ABHD17A: variants seen among roughly 807,000 people sequenced by gnomAD.
The protein encoded by ABHD17A is abhydrolase domain containing 17A, depalmitoylase, also known as alpha/beta hydrolase domain-containing protein 17A.
In ABHD17A, 10 loss-of-function variants were observed where a neutral mutation model predicts 26.8. The ratio of observed to expected loss-of-function variants is 0.37; its 90% CI spans 0.23 to 0.63. ABHD17A has a LOEUF of 0.63. Ranked by LOEUF, ABHD17A falls within the 30% of genes least tolerant of loss-of-function variation. The probability of loss-of-function intolerance (pLI) is 0.61; values close to 1 mark genes in which losing one functional copy is unlikely to be tolerated. For missense variants in ABHD17A, 292 were observed against 457.3 expected (o/e 0.64, Z 3.30); for synonymous variants, 167 against 210.9 (o/e 0.79, Z 1.80).
Position 1,881,769 on chromosome 19 carries a change from G to A in ABHD17A, c.-203C>T, listed in dbSNP as rs1274531214. The A allele has an allele frequency of 2.3e-5, 14 of 618,382 alleles. No individual in the cohort carries two copies. Among genetic ancestry groups the A allele is most frequent in the South Asian group, 1.3e-4 (5 of 38,302 alleles). The allele number at this position is 618,382 out of a possible 1,614,324, so 38.3% of individuals were successfully genotyped here. A position where few individuals can be genotyped will look rare whatever the true frequency, so the allele number is the denominator to read the frequency against. On this transcript the variant is annotated 5_prime_UTR_variant, in exon 2 of 5. Coordinates refer to ENST00000292577, the MANE Select transcript of ABHD17A (RefSeq NM_001130111.2). The stretch of plus-strand genomic sequence containing the variant: ...TCCAAGCCGAGCCCCAGGGAGCCTC[G>A]CAACCACAGGTCTCCATGTCGTGCC...
rs2012471615 is a variant in ABHD17A, at chr19:1,879,868, C to T, written c.527+53G>A. 1.3e-6 allele frequency: 2 copies of T among 1,523,218 alleles called. No homozygotes were observed. Among genetic ancestry groups the T allele is most frequent in the African/African-American group, 1.4e-5 (1 of 72,628 alleles). 94.4% of individuals were successfully genotyped at this position (1,523,218 alleles called of 1,614,324 possible). A position where few individuals can be genotyped will look rare whatever the true frequency, so the allele number is the denominator to read the frequency against. On this transcript the variant is annotated intron_variant, in intron 3 of 4. Transcript: ENST00000292577. This position sits in a 1 kb window ranked among gnomAD's most constrained non-coding sequence, Gnocchi z 7.6. ...GGAAGCCCGCCCCCCGGCCCCCCGC[C>T]TGGTCCCCTCTTGGGTGTGCCCAGG...
rs2012490822 is a variant in ABHD17A at position 1,880,424 on chromosome 19, C to G, written c.333-309G>C. ...AGCGGGACACTGGGACCATCGGTCG[C>G]ATCCTCTCTCAGGGCAGACTCGCAG... On this transcript the variant is annotated intron_variant, in intron 2 of 4. Coordinates refer to ENST00000292577, the MANE Select transcript of ABHD17A (RefSeq NM_001130111.2). This position sits in a 1 kb window ranked among gnomAD's most constrained non-coding sequence, Gnocchi z 4.1. 6.6e-6 allele frequency among the ~76,000 whole-genome samples: 1 copy of G among 152,218 alleles called. No individual in the cohort carries two copies. Among genetic ancestry groups the G allele is most frequent in the Non-Finnish European group, 1.5e-5 (1 of 68,030 alleles).
intron 3 of ABHD17A, chr19:1,878,657 C>G (rs954771069): frequency 6.6e-6 from 1 of 152,482 alleles, no homozygotes; most frequent in Admixed American, 6.5e-5. Flanking sequence ...CACAGCTCGC[C>G]ACTCACCCAT....
chr19:1,884,615 G>C (rs1301808074), intron 1 of ABHD17A, among the ~76,000 whole-genome samples: 1 of 152,044 alleles, frequency 6.6e-6, no homozygotes, highest in Non-Finnish European at 1.5e-5. Flanking sequence ...GGGGAGGCGC[G>C]GCCATATCAG....
In ABHD17A at chr19:1,881,234, C is replaced by T; in HGVS notation, c.332+1G>A. ...GCCCAGGCGCGGCCACAGCTGCTCA[C>T]CTGGCACCAGGCACGCAGCGAACAT... On this transcript the variant is annotated splice_donor_variant, in intron 2 of 4. Transcript: ENST00000292577. LOFTEE classifies it high-confidence loss of function. 2 of 1,609,876 alleles carry T rather than the reference C, an allele frequency of 1.2e-6. No individual in the cohort carries two copies. The highest frequency in any genetic ancestry group is 1.7e-6 in the Non-Finnish European group (2 of 1,179,076).
In ABHD17A at chr19:1,879,300, C is replaced by G. The variant is rs1443443455; in HGVS notation, c.527+621G>C. The G allele has an allele frequency of 1.9e-5, 3 of 158,168 alleles. No homozygotes were observed. The highest frequency in any genetic ancestry group is 4.2e-5 in the Non-Finnish European group (3 of 71,724). 9.8% of individuals were successfully genotyped at this position (158,168 alleles called of 1,614,324 possible). On this transcript the variant is annotated intron_variant, in intron 3 of 4. Transcript: ENST00000292577. This position sits in a 1 kb window ranked among gnomAD's most constrained non-coding sequence, Gnocchi z 7.6. ...CAGAGGCCCACCCGGGTCTCCTCGT[C>G]CAAAGCAGCACTGGCCCGGGCGGTG...
chr19:1,879,949 C>T lies in ABHD17A; in HGVS notation c.499G>A (p.Asp167Asn), dbSNP rs1454682121. 2.5e-6 allele frequency: 4 copies of T among 1,612,360 alleles called. No individual in the cohort carries two copies. The highest frequency in any genetic ancestry group is 1.3e-5 in the African/African-American group (1 of 74,936). Reference sequence around the variant, plus strand: ...GTGCGCAGGGCCTGCCAGGCGGCGTCGATGTCGGCATAGAGGTTCCTCTCG... The same window carrying T: ...GTGCGCAGGGCCTGCCAGGCGGCGTTGATGTCGGCATAGAGGTTCCTCTCG... ...PSERNLYADIDAAWQALRTRY... is the reference protein window; with the variant it reads ...PSERNLYADINAAWQALRTRY... Residue 167 changes from aspartate (D) to asparagine (N), a missense_variant, in exon 3 of 5, where the codon GAC (aspartate) becomes AAC (asparagine). This residue lies in a region of ABHD17A where 25 missense variants were observed against 40.3 expected (regional missense o/e 0.62). Coordinates refer to ENST00000292577, the MANE Select transcript of ABHD17A (RefSeq NM_001130111.2). This position sits in a 1 kb window ranked among gnomAD's most constrained non-coding sequence, Gnocchi z 7.6.
In ABHD17A at chr19:1,879,186, G is replaced by A. The variant is rs2012453142; in HGVS notation, c.527+735C>T. 1 of 152,700 alleles carries A rather than the reference G, an allele frequency of 6.5e-6. No homozygotes were observed. Among genetic ancestry groups the A allele is most frequent in the Non-Finnish European group, 1.5e-5 (1 of 68,480 alleles). The allele number at this position is 152,700 out of a possible 1,614,324, so 9.5% of individuals were successfully genotyped here. Reference sequence around the variant, plus strand: ...AGGGCCTCTGACTTCTCAGAGCTGTGCCTGGTCCCTGTGGGAGCAGGTCAG... The same window carrying A: ...AGGGCCTCTGACTTCTCAGAGCTGTACCTGGTCCCTGTGGGAGCAGGTCAG... On this transcript the variant is annotated intron_variant, in intron 3 of 4. Coordinates refer to ENST00000292577, the MANE Select transcript of ABHD17A (RefSeq NM_001130111.2). This position sits in a 1 kb window ranked among gnomAD's most constrained non-coding sequence, Gnocchi z 7.6.
In ABHD17A at chr19:1,881,605, C is replaced by T. The variant is rs763836886; in HGVS notation, c.-39G>A. ...CAGGCCGGGCCTCCACCGGGGCCCCCGCCAACAACGCCGCCCGGCCTGGCC... is the reference window on the plus strand; with the variant it reads ...CAGGCCGGGCCTCCACCGGGGCCCCTGCCAACAACGCCGCCCGGCCTGGCC... On this transcript the variant is annotated 5_prime_UTR_variant, in exon 2 of 5. Transcript: ENST00000292577. 15 of 1,450,646 alleles carry T rather than the reference C, an allele frequency of 1.0e-5. No individual in the cohort carries two copies. The highest frequency in any genetic ancestry group is 2.7e-5 in the East Asian group (1 of 37,696). The allele number at this position is 1,450,646 out of a possible 1,614,324, so 89.9% of individuals were successfully genotyped here.
At chr19:1,884,881 A>C (rs1214692102) in intron 1 of ABHD17A, among the ~76,000 whole-genome samples, 3 of 152,172 alleles carry the variant, frequency 2.0e-5, no homozygotes, top group Non-Finnish European at 4.4e-5. Context: ...TGCATCCCGG[A>C]GAACGGACGC....
chr19:1,880,439 C>T lies in ABHD17A; in HGVS notation c.333-324G>A, dbSNP rs1166783505. ...CCATCGGTCGCATCCTCTCTCAGGG[C>T]AGACTCGCAGTGTGTGCTCAGATAC... On this transcript the variant is annotated intron_variant, in intron 2 of 4. Coordinates refer to ENST00000292577, the MANE Select transcript of ABHD17A (RefSeq NM_001130111.2). This position sits in a 1 kb window ranked among gnomAD's most constrained non-coding sequence, Gnocchi z 4.1. Among the ~76,000 whole-genome samples the T allele has an allele frequency of 2.6e-5, 4 of 152,204 alleles. No individual in the cohort carries two copies.
intron 1 of ABHD17A, among the ~76,000 whole-genome samples, chr19:1,885,143 C>T (rs1180486911): frequency 3.3e-5 from 5 of 152,194 alleles, no homozygotes; most frequent in Non-Finnish European, 7.4e-5. Context: ...CAACCCACGC[C>T]GGAGGGCTGA....
Position 1,880,301 on chromosome 19 carries a change from G to A in ABHD17A, c.333-186C>T, listed in dbSNP as rs1391070910. ...GCTACGACAGCACAGCTCCATCTCC[G>A]AGGGTTCCCCATGGGGAGAGGACAG... On this transcript the variant is annotated intron_variant, in intron 2 of 4. Transcript: ENST00000292577. This position sits in a 1 kb window ranked among gnomAD's most constrained non-coding sequence, Gnocchi z 4.1. Among the ~76,000 whole-genome samples the A allele has an allele frequency of 1.3e-5, 2 of 152,210 alleles. No homozygotes were observed. Among genetic ancestry groups the A allele is most frequent in the East Asian group, 1.9e-4 (1 of 5,188 alleles).
chr19:1,884,486 G>T (rs541702945), intron 1 of ABHD17A, among the ~76,000 whole-genome samples: 1 of 152,290 alleles, frequency 6.6e-6, no homozygotes, highest in Admixed American at 6.5e-5. Flanking sequence ...CCCTCTGCAA[G>T]CTAGAGGTGT....
At chr19:1,883,869 T>A (rs1424514099) in intron 1 of ABHD17A, 1 of 152,716 alleles carries the variant, frequency 6.5e-6, no homozygotes, top group Admixed American at 6.5e-5. Context: ...TGGATAGAGA[T>A]CAAAGCCCTC....
Position 1,880,203 on chromosome 19 carries a change from G to T in ABHD17A, c.333-88C>A. On this transcript the variant is annotated intron_variant, in intron 2 of 4. Coordinates refer to ENST00000292577, the MANE Select transcript of ABHD17A (RefSeq NM_001130111.2). The surrounding 1 kb of genome is among the most constrained non-coding windows in gnomAD (Gnocchi z 4.1). ...GGATGCGTAGTGACAGCCCACCCCG[G>T]TGGCCAGCCATGCCCAGTGCCTCAT... 6.9e-7 allele frequency: 1 copy of T among 1,449,208 alleles called. No homozygotes were observed. Among genetic ancestry groups the T allele is most frequent in the Non-Finnish European group, 9.5e-7 (1 of 1,058,060 alleles). 89.8% of individuals were successfully genotyped at this position (1,449,208 alleles called of 1,614,324 possible).
chr19:1,884,827 G>A (rs1362132315), intron 1 of ABHD17A, among the ~76,000 whole-genome samples: 2 of 152,124 alleles, frequency 1.3e-5, no homozygotes, highest in Admixed American at 1.3e-4. Flanking sequence ...TGGCGGGGCC[G>A]CGAAGAAGTC....
At position 1,876,861 on chromosome 19, in the gene ABHD17A, C is replaced by T; in HGVS notation, c.*339G>A. ...CGCAGAGTAAAACCTATAAGGGGGT[C>T]CGTGCCGATCTCTCCTAGGGACTCA... is the stretch of plus-strand genomic sequence containing the variant. On this transcript the variant is annotated 3_prime_UTR_variant, in exon 5 of 5. Coordinates refer to ENST00000292577, the MANE Select transcript of ABHD17A (RefSeq NM_001130111.2). The T allele has an allele frequency of 2.9e-6, 1 of 346,382 alleles. No homozygotes were observed. The highest frequency in any genetic ancestry group is 2.7e-5 in the South Asian group (1 of 36,470). The allele number at this position is 346,382 out of a possible 1,614,324, so 21.5% of individuals were successfully genotyped here.
chr19:1,881,051 G>A (rs1261718472), intron 2 of ABHD17A, 184 bp downstream of exon 2: 2 of 1,603,634 alleles, frequency 1.2e-6, no homozygotes, highest in African/African-American at 1.3e-5. Context: ...GTCCTTGTCT[G>A]CGAGAGAAAA....
Sources: gnomAD v4.1 joint callset for allele counts (sites outside exome capture counted in the v4.1 genomes callset) on GRCh38, gnomAD v4.1.1 for gene constraint, gnomAD v4.1.1 regional missense constraint, Gnocchi (gnomAD v3.1) non-coding constraint, MANE v1.5 for transcripts, NCBI Gene and HGNC (gene_info 2026-07-23, HGNC 2026-07-21) for gene names.